CYP2C18: variants seen among roughly 807,000 people sequenced by gnomAD.
The protein encoded by CYP2C18 is cytochrome P450 2C18.
Under a neutral mutation model 41.3 loss-of-function variants are expected in CYP2C18, and 38 were observed. The observed-to-expected ratio is 0.92, with a 90% CI of 0.71 to 1.21. The LOEUF (loss-of-function observed/expected upper bound fraction) is 1.21, where lower values mean the gene tolerates loss of function less well. Among genes scored for constraint, CYP2C18 ranks in the 50% most tolerant of loss-of-function variants. The pLI is 0.00. For missense variants in CYP2C18, 635 were observed against 591.4 expected (o/e 1.07, Z -0.77); for synonymous variants, 236 against 210.0 (o/e 1.12, Z -1.07).
intron 3 of CYP2C18, among the ~76,000 whole-genome samples, 158 bp downstream of exon 3, chr10:94,688,432 C>T (rs1461047395): frequency 1.3e-5 from 2 of 152,126 alleles, no homozygotes; most frequent in Non-Finnish European, 2.9e-5. Context: ...TTAGGATATG[C>T]ATCACTTTGA....
At chr10:94,699,083 T>C (rs561772328) in intron 4 of CYP2C18, among the ~76,000 whole-genome samples, 2 of 152,294 alleles carry the variant, frequency 1.3e-5, no homozygotes, top group South Asian at 2.1e-4. Flanking sequence ...CTTCTGAAAC[T>C]ATTCCAATCA....
chr10:94,729,250 A>T (rs1233553612), intron 7 of CYP2C18, among the ~76,000 whole-genome samples: 1 of 152,184 alleles, frequency 6.6e-6, no homozygotes, highest in African/African-American at 2.4e-5. Flanking sequence ...TTAAGTTCCG[A>T]ATACCACATA....
At chr10:94,710,748 G>A (rs914272292) in intron 5 of CYP2C18, among the ~76,000 whole-genome samples, 1 of 152,178 alleles carries the variant, frequency 6.6e-6, no homozygotes, top group Non-Finnish European at 1.5e-5. Flanking sequence ...CAATGGGCAT[G>A]ATGACCTTTG....
chr10:94,695,458 C>G (rs1847098811), intron 4 of CYP2C18, among the ~76,000 whole-genome samples: 1 of 152,134 alleles, frequency 6.6e-6, no homozygotes, highest in Non-Finnish European at 1.5e-5. Context: ...CATGTCCCGG[C>G]CAAGGACATG....
chr10:94,695,127 A>G, intron 4 of CYP2C18, 50 bp downstream of exon 4: 2 of 1,498,510 alleles, frequency 1.3e-6, no homozygotes, highest in African/African-American at 1.4e-5. Context: ...TTATTTTATC[A>G]GACAGTCCAA....
intron 5 of CYP2C18, among the ~76,000 whole-genome samples, chr10:94,709,972 C>T (rs571118374): frequency 6.6e-6 from 1 of 151,950 alleles, no homozygotes; most frequent in Non-Finnish European, 1.5e-5. Context: ...TTCTTTATGC[C>T]AGTATGACAG....
At chr10:94,699,525 C>T (rs555102134) in intron 4 of CYP2C18, among the ~76,000 whole-genome samples, 14 of 151,950 alleles carry the variant, frequency 9.2e-5, no homozygotes, top group Non-Finnish European at 1.6e-4. Flanking sequence ...CTGATCATAC[C>T]GAATGGGCAC....
chr10:94,710,408 T>C (rs755607252), intron 5 of CYP2C18, among the ~76,000 whole-genome samples: 3 of 152,256 alleles, frequency 2.0e-5, no homozygotes, highest in Non-Finnish European at 2.9e-5. Context: ...TGTCCATTTC[T>C]ATTAAAAAGG....
chr10:94,688,619 G>C (rs1277507637), intron 3 of CYP2C18, among the ~76,000 whole-genome samples: 1 of 152,174 alleles, frequency 6.6e-6, no homozygotes. Flanking sequence ...GTGGAGGTTT[G>C]AAGCAGAGAG....
chr10:94,686,220 ATT>A (rs527447985), intron 1 of CYP2C18, among the ~76,000 whole-genome samples: 194 of 152,132 alleles, frequency 1.3e-3, no homozygotes, highest in African/African-American at 4.5e-3. Context: ...AATGCCACTG[ATT>A]TTTGCATGTT....
At chr10:94,693,587 C>G (rs1847055975) in intron 3 of CYP2C18, among the ~76,000 whole-genome samples, 1 of 152,114 alleles carries the variant, frequency 6.6e-6, no homozygotes, top group East Asian at 1.9e-4. Flanking sequence ...CACTTGCATG[C>G]ATGCATGCAC....
At chr10:94,723,645 G>A (rs1440300697) in intron 6 of CYP2C18, among the ~76,000 whole-genome samples, 1 of 152,072 alleles carries the variant, frequency 6.6e-6, no homozygotes, top group Non-Finnish European at 1.5e-5. Flanking sequence ...TAAATACATT[G>A]GGGAAACTAG....
intron 3 of CYP2C18, among the ~76,000 whole-genome samples, chr10:94,688,683 C>T (rs1846941601): frequency 6.6e-6 from 1 of 152,156 alleles, no homozygotes; most frequent in Non-Finnish European, 1.5e-5. Flanking sequence ...AATGACTATG[C>T]ATACGCTGTG....
chr10:94,692,053 C>A, intron 3 of CYP2C18, among the ~76,000 whole-genome samples: 1 of 152,214 alleles, frequency 6.6e-6, no homozygotes, highest in East Asian at 1.9e-4. Context: ...AAATGTTAGA[C>A]GTAAAACCAT....
rs1246555682 is a variant in CYP2C18 at position 94,735,300 on chromosome 10, G to A, written c.1329G>A (p.Met443Ile). The A allele has an allele frequency of 6.2e-7, 1 of 1,613,632 alleles. No homozygotes were observed. The highest frequency in any genetic ancestry group is 1.1e-5 in the South Asian group (1 of 91,074). ...GTATGGGAGAGGGCCTGGCCCGCAT[G>A]GAGCTGTTTTTATTCCTGACCACCA... Reference protein sequence around the residue: ...RMCMGEGLARMELFLFLTTIL... With the variant: ...RMCMGEGLARIELFLFLTTIL... The change falls in exon 9 of 9, where the codon ATG (methionine) becomes ATA (isoleucine). Residue 443 changes from methionine (M) to isoleucine (I), a missense_variant. Physicochemically the swap from Met to Ile is conservative, Grantham distance 10. Coordinates refer to ENST00000285979, the MANE Select transcript of CYP2C18 (RefSeq NM_000772.3).
chr10:94,704,848 G>A (rs889486266), intron 4 of CYP2C18, among the ~76,000 whole-genome samples: 12 of 152,062 alleles, frequency 7.9e-5, no homozygotes, highest in East Asian at 7.7e-4. Flanking sequence ...AACTATAATC[G>A]TTTGCCCTAG....
intron 1 of CYP2C18, among the ~76,000 whole-genome samples, chr10:94,685,245 G>T (rs1238314103): frequency 2.6e-5 from 4 of 151,976 alleles, no homozygotes; most frequent in Admixed American, 2.6e-4. Context: ...TGTTGTCCAG[G>T]CTGGTCTTGA....
chr10:94,723,023 G>A (rs568811085), intron 6 of CYP2C18, among the ~76,000 whole-genome samples: 1 of 152,184 alleles, frequency 6.6e-6, no homozygotes, highest in Admixed American at 6.6e-5. Context: ...GAACATCAGA[G>A]TTAAAGGGAA....
chr10:94,693,102 A>T (rs1847041032), intron 3 of CYP2C18, among the ~76,000 whole-genome samples: 1 of 152,176 alleles, frequency 6.6e-6, no homozygotes, highest in Non-Finnish European at 1.5e-5. Flanking sequence ...AACATGGCAC[A>T]CGTATACATA....
Sources: gnomAD v4.1 joint callset for allele counts (sites outside exome capture counted in the v4.1 genomes callset) on GRCh38, gnomAD v4.1.1 for gene constraint, MANE v1.5 for transcripts, NCBI Gene and HGNC (gene_info 2026-07-23, HGNC 2026-07-21) for gene names.